The following AK5 variants were observed in gnomAD, a reference collection of about 807,000 sequenced individuals.
AK5 encodes adenylate kinase isoenzyme 5.
A neutral mutation model predicts 69.5 loss-of-function variants in AK5; 27 were observed. The ratio of observed to expected loss-of-function variants is 0.39; its 90% CI spans 0.29 to 0.54. The LOEUF is 0.54. Ranked by LOEUF, AK5 falls within the 20% of genes least tolerant of loss-of-function variation. The probability of loss-of-function intolerance (pLI) is 0.71; values close to 1 mark genes in which losing one functional copy is unlikely to be tolerated. For missense variants in AK5, 531 were observed against 700.4 expected (o/e 0.76, Z 2.73); for synonymous variants, 260 against 244.4 (o/e 1.06, Z -0.60).
intron 6 of AK5, among the ~76,000 whole-genome samples, chr1:77,345,291 A>G (rs983936857): frequency 1.3e-5 from 2 of 152,198 alleles, no homozygotes; most frequent in Non-Finnish European, 2.9e-5. Flanking sequence ...AAGGCCTACT[A>G]ATTCATACGC....
intron 6 of AK5, among the ~76,000 whole-genome samples, chr1:77,343,611 A>T (rs1661769085): frequency 6.6e-6 from 1 of 152,152 alleles, no homozygotes; most frequent in South Asian, 2.1e-4. Context: ...CACCTGTGTG[A>T]CTTTCTGCAG....
chr1:77,343,619 C>G (rs1228332907), intron 6 of AK5, among the ~76,000 whole-genome samples: 1 of 152,176 alleles, frequency 6.6e-6, no homozygotes, highest in African/African-American at 2.4e-5. Context: ...TGACTTTCTG[C>G]AGGTTACTTA....
At chr1:77,331,549 T>A (rs1240550096) in intron 5 of AK5, among the ~76,000 whole-genome samples, 1 of 152,218 alleles carries the variant, frequency 6.6e-6, no homozygotes, top group African/African-American at 2.4e-5. Context: ...AAATCAATTT[T>A]TCACCCACAG....
intron 8 of AK5, among the ~76,000 whole-genome samples, chr1:77,456,809 A>G (rs553132517): frequency 2.6e-5 from 4 of 152,010 alleles, no homozygotes; most frequent in Admixed American, 2.0e-4. Context: ...CTGAAAACCA[A>G]TTAACTCCTC....
intron 8 of AK5, among the ~76,000 whole-genome samples, chr1:77,471,166 G>T (rs186697854): frequency 1.1e-4 from 16 of 152,014 alleles, no homozygotes; most frequent in Admixed American, 7.2e-4. Flanking sequence ...ACAGGCGTGA[G>T]CCACAGCGTT....
chr1:77,299,515 T>C (rs1659216131), intron 5 of AK5, among the ~76,000 whole-genome samples: 1 of 152,178 alleles, frequency 6.6e-6, no homozygotes, highest in Non-Finnish European at 1.5e-5. Flanking sequence ...CCTATTGTGC[T>C]AGAATGTCTG....
intron 8 of AK5, among the ~76,000 whole-genome samples, chr1:77,437,212 A>G (rs1186925108): frequency 1.3e-5 from 2 of 152,126 alleles, no homozygotes; most frequent in African/African-American, 2.4e-5. Flanking sequence ...TGAGGTGGCT[A>G]TTATGTTTTT....
At chr1:77,427,379 C>T (rs1651283125) in intron 8 of AK5, among the ~76,000 whole-genome samples, 1 of 151,950 alleles carries the variant, frequency 6.6e-6, no homozygotes, top group African/African-American at 2.4e-5. Context: ...AATGCTATGC[C>T]CACGAATTTG....
intron 10 of AK5, among the ~76,000 whole-genome samples, chr1:77,507,452 T>C (rs527428119): frequency 6.6e-6 from 1 of 152,362 alleles, no homozygotes; most frequent in Admixed American, 6.5e-5. Flanking sequence ...ATTTATTAGA[T>C]AAAATATCAA....
chr1:77,486,070 G>A (rs921291484), intron 9 of AK5, among the ~76,000 whole-genome samples: 12 of 152,120 alleles, frequency 7.9e-5, no homozygotes, highest in African/African-American at 2.2e-4. Flanking sequence ...AGACAAGATC[G>A]AGCCACTGCA....
chr1:77,364,744 T>C (rs963878258), intron 6 of AK5, among the ~76,000 whole-genome samples: 2 of 152,220 alleles, frequency 1.3e-5, no homozygotes, highest in African/African-American at 2.4e-5. Flanking sequence ...TGGATGTGTA[T>C]AGGACATTTA....
At chr1:77,522,828 T>A (rs1455180751) in intron 12 of AK5, among the ~76,000 whole-genome samples, 1 of 152,186 alleles carries the variant, frequency 6.6e-6, no homozygotes, top group Non-Finnish European at 1.5e-5. Context: ...AAGAAATTCA[T>A]ATTTATAGAG....
At chr1:77,309,317 C>T (rs954947329) in intron 5 of AK5, among the ~76,000 whole-genome samples, 1 of 152,034 alleles carries the variant, frequency 6.6e-6, no homozygotes, top group Non-Finnish European at 1.5e-5. Context: ...CACACGAACA[C>T]TCAAATTGAT....
chr1:77,394,991 C>T (rs1193895030), intron 6 of AK5, among the ~76,000 whole-genome samples: 1 of 152,126 alleles, frequency 6.6e-6, no homozygotes, highest in Non-Finnish European at 1.5e-5. Flanking sequence ...GCACTCCCCT[C>T]AGTAATTTTA....
intron 6 of AK5, among the ~76,000 whole-genome samples, chr1:77,384,143 G>A (rs1647845460): frequency 6.6e-6 from 1 of 152,072 alleles, no homozygotes; most frequent in South Asian, 2.1e-4. Context: ...ATACTTGGCT[G>A]TTAATCAGGG....
intron 8 of AK5, among the ~76,000 whole-genome samples, chr1:77,468,067 G>A (rs1477525130): frequency 6.6e-6 from 1 of 152,214 alleles, no homozygotes. Flanking sequence ...TAGAGGACTG[G>A]CCTGAGGCCA....
chr1:77,481,881 A>G (rs1413051084), intron 8 of AK5, among the ~76,000 whole-genome samples: 1 of 152,258 alleles, frequency 6.6e-6, no homozygotes. Context: ...GAGACTGGAA[A>G]CTACTCACTG....
In AK5 at chr1:77,282,355, A is replaced by T; in HGVS notation, c.42A>T (p.Glu14Asp). ...CCAAGGAGTATCTGGCCCGGAGGGA[A>T]ATCCCTCAGCTTTTTGAGGTAGGGC... ...NDAKEYLARR[E>D]IPQLFESLLN... is the part of the protein sequence containing the mutation. The change falls in exon 1 of 14, where the codon GAA (glutamate) becomes GAT (aspartate). Residue 14 changes from glutamate (E) to aspartate (D), a missense_variant. Transcript: ENST00000354567. 5.1e-6 allele frequency: 8 copies of T among 1,556,948 alleles called. No individual in the cohort carries two copies. The highest frequency in any genetic ancestry group is 7.0e-6 in the Non-Finnish European group (8 of 1,150,672).
intron 5 of AK5, among the ~76,000 whole-genome samples, chr1:77,330,059 T>C (rs1661004458): frequency 6.6e-6 from 1 of 152,170 alleles, no homozygotes; most frequent in Admixed American, 6.5e-5. Flanking sequence ...ACCATACCTC[T>C]GCTCAGAATT....
Sources: allele counts gnomAD v4.1 joint callset (sites outside exome capture counted in the v4.1 genomes callset), GRCh38; gene constraint gnomAD v4.1.1; transcripts MANE v1.5; gene names NCBI Gene and HGNC (gene_info 2026-07-23, HGNC 2026-07-21).